Variants in SNRNP200 observed in about 807,000 individuals in gnomAD.
SNRNP200 encodes the protein small nuclear ribonucleoprotein U5 subunit 200, also known as U5 small nuclear ribonucleoprotein 200 kDa helicase.
In SNRNP200, 66 loss-of-function variants were observed where a neutral mutation model predicts 255.2. That is an observed-to-expected ratio of 0.26 (90% CI 0.21 to 0.32). The LOEUF is 0.32. SNRNP200 is among the 10% of genes least tolerant of loss of function. SNRNP200 has a pLI of 1.00. For missense variants in SNRNP200, 1,585 were observed against 2,749.8 expected (o/e 0.58, Z 9.47); for synonymous variants, 939 against 1,027.8 (o/e 0.91, Z 1.65).
intron 13 of SNRNP200, among the ~76,000 whole-genome samples, chr2:96,295,922 G>C (rs184595634): frequency 1.6e-3 from 240 of 152,278 alleles, no homozygotes; most frequent in African/African-American, 5.2e-3. Flanking sequence ...AACGCAGGCA[G>C]AATGCTTGAG....
Position 96,297,633 on chromosome 2 carries a change from C to G in SNRNP200, c.1203+4G>C. On this transcript the variant is annotated splice_donor_region_variant and intron_variant, in intron 10 of 44. Coordinates refer to ENST00000323853, the MANE Select transcript of SNRNP200 (RefSeq NM_014014.5). ...CCTGGGAAATAAATCGCCCTGGATC[C>G]TACCTCTCCACCCTGGTCGAGATCC... 1 of 1,614,250 alleles carries G rather than the reference C, an allele frequency of 6.2e-7. No homozygotes were observed. Among genetic ancestry groups the G allele is most frequent in the Non-Finnish European group, 8.5e-7 (1 of 1,180,036 alleles).
intron 30 of SNRNP200, 161 bp downstream of exon 30, chr2:96,285,019 G>A (rs2063835554): frequency 3.6e-6 from 3 of 832,108 alleles, no homozygotes; most frequent in Non-Finnish European, 6.0e-6. Flanking sequence ...CAAAGTGCTG[G>A]GATTACAGGC....
Position 96,293,068 on chromosome 2 carries a change from T to G in SNRNP200, c.2064A>C (p.Thr688=). ...CTTTTTTCTCTGTGATACCCACATA[T>G]GTCTGTTCCAGAGGCACTGGACGGA... ...NSFRPVPLEQ[T]YVGITEKKAI... Residue 688 remains threonine (T), a synonymous_variant, in exon 16 of 45, where the codon ACA becomes ACC. Transcript: ENST00000323853. 6.2e-7 allele frequency: 1 copy of G among 1,614,230 alleles called. No homozygotes were observed. Among genetic ancestry groups the G allele is most frequent in the East Asian group, 2.2e-5 (1 of 44,890 alleles).
At chr2:96,299,109 T>C (rs1347934269) in intron 6 of SNRNP200, 142 bp from the exon 7 acceptor site, 1 of 1,133,560 alleles carries the variant, frequency 8.8e-7, no homozygotes, top group South Asian at 1.3e-5. Flanking sequence ...CTCTGGAATA[T>C]TGAGTTCAGA....
chr2:96,296,392 G>C, intron 13 of SNRNP200, 144 bp downstream of exon 13: 1 of 820,800 alleles, frequency 1.2e-6, no homozygotes, highest in Non-Finnish European at 2.0e-6. Context: ...TCTTGGAAAT[G>C]GGGAGAGAAA....
chr2:96,277,502 G>A lies in SNRNP200; in HGVS notation c.5931+37C>T, dbSNP rs771228282. 1 of 1,610,888 alleles carries A rather than the reference G, an allele frequency of 6.2e-7. No individual in the cohort carries two copies. The highest frequency in any genetic ancestry group is 8.5e-7 in the Non-Finnish European group (1 of 1,178,986). ...TCGGTCCACAACACTGGGCTCTCAGGCTCACCCACCTGACCCTCTAGGCTG... is the reference window on the plus strand; with the variant it reads ...TCGGTCCACAACACTGGGCTCTCAGACTCACCCACCTGACCCTCTAGGCTG... On this transcript the variant is annotated intron_variant, in intron 41 of 44. Transcript: ENST00000323853. This position sits in a 1 kb window ranked among gnomAD's most constrained non-coding sequence, Gnocchi z 4.4.
At chr2:96,276,414 A>T (rs969034541) in intron 43 of SNRNP200, 1 of 204,596 alleles carries the variant, frequency 4.9e-6, no homozygotes, top group African/African-American at 2.3e-5. Flanking sequence ...ATGACCAGTC[A>T]TCTAAATTTT....
Position 96,283,940 on chromosome 2 carries a change from C to A in SNRNP200, c.4457G>T (p.Arg1486Leu). 1.2e-6 allele frequency: 2 copies of A among 1,600,090 alleles called. No homozygotes were observed. Among genetic ancestry groups the A allele is most frequent in the Non-Finnish European group, 1.7e-6 (2 of 1,173,444 alleles). ...GAGCGAAGAGCTGAGTGCCACAATG[C>A]GAATGGGCCGCTCAATCTGGGAGGA... Reference protein sequence around the residue: ...YISSQIERPIRIVALSSSLSN... With the variant: ...YISSQIERPILIVALSSSLSN... Residue 1486 changes from arginine (R) to leucine (L), a missense_variant, in exon 32 of 45, where the codon CGC becomes CTC. Physicochemically the swap from Arg to Leu is moderately radical, Grantham distance 102. This residue lies in a region of SNRNP200 where 719 missense variants were observed against 1,091.1 expected (regional missense o/e 0.66). Transcript: ENST00000323853. The surrounding 1 kb of genome is among the most constrained non-coding windows in gnomAD (Gnocchi z 4.7).
Position 96,279,533 on chromosome 2 carries a change from A to ACGT in SNRNP200, c.5048_5050dup (p.Asp1683dup). The stretch of plus-strand genomic sequence containing the variant: ...GTTGGCGTGGCCCACCATCTGAAGC[A>ACGT]CGTCATAGATGGGGTAATCCACATA... On this transcript the variant is annotated inframe_insertion, in exon 36 of 45. Transcript: ENST00000323853. 6.2e-7 allele frequency: 1 copy of ACGT among 1,613,556 alleles called. No homozygotes were observed. The highest frequency in any genetic ancestry group is 8.5e-7 in the Non-Finnish European group (1 of 1,179,494).
chr2:96,304,665 T>C (rs764163479), intron 2 of SNRNP200, 40 bp downstream of exon 2: 2 of 1,613,094 alleles, frequency 1.2e-6, no homozygotes, highest in African/African-American at 2.7e-5. Context: ...GGAAGAGACT[T>C]TGGATCTGAA....
At position 96,278,662 on chromosome 2, in the gene SNRNP200, C is replaced by G; in HGVS notation, c.5373G>C (p.Gln1791His). The G allele has an allele frequency of 6.2e-7, 1 of 1,614,234 alleles. No individual in the cohort carries two copies. Among genetic ancestry groups the G allele is most frequent in the Non-Finnish European group, 8.5e-7 (1 of 1,180,040 alleles). ...TGGACTGCTCCAGGTCACTCAGGGTCTGCTCCACCAGCTCTGACAAGTGGT... is the reference window on the plus strand; with the variant it reads ...TGGACTGCTCCAGGTCACTCAGGGTGTGCTCCACCAGCTCTGACAAGTGGT... ...LSDHLSELVE[Q>H]TLSDLEQSKC... The change falls in exon 38 of 45, where the codon CAG becomes CAC. Residue 1791 changes from glutamine (Q) to histidine (H), a missense_variant. This residue lies in a region of SNRNP200 where 279 missense variants were observed against 551.2 expected (regional missense o/e 0.51). Coordinates refer to ENST00000323853, the MANE Select transcript of SNRNP200 (RefSeq NM_014014.5). The surrounding 1 kb of genome is among the most constrained non-coding windows in gnomAD (Gnocchi z 6.9).
In SNRNP200 at chr2:96,277,365, A is replaced by G. The variant is rs1684685791; in HGVS notation, c.5932-124T>C. 7.7e-7 allele frequency: 1 copy of G among 1,301,058 alleles called. No homozygotes were observed. The highest frequency in any genetic ancestry group is 1.2e-5 in the South Asian group (1 of 83,356). The allele number at this position is 1,301,058 out of a possible 1,614,324, so 80.6% of individuals were successfully genotyped here. The stretch of plus-strand genomic sequence containing the variant: ...AGTCATCTAGATAAAACAGCTGCAG[A>G]AAGAACACAGCCCACAGTTGGCAGG... On this transcript the variant is annotated intron_variant, in intron 41 of 44. Transcript: ENST00000323853. The surrounding 1 kb of genome is among the most constrained non-coding windows in gnomAD (Gnocchi z 4.4).
chr2:96,275,750 C>G (rs1298927337), intron 43 of SNRNP200, among the ~76,000 whole-genome samples: 2 of 152,226 alleles, frequency 1.3e-5, no homozygotes, highest in Non-Finnish European at 2.9e-5. Flanking sequence ...CGCCTGTAAT[C>G]CCAGCACTTT....
At position 96,289,027 on chromosome 2, in the gene SNRNP200, A is replaced by G. The variant is rs751790787; in HGVS notation, c.3174+10T>C. 6.2e-7 allele frequency: 1 copy of G among 1,603,662 alleles called. No homozygotes were observed. Among genetic ancestry groups the G allele is most frequent in the South Asian group, 1.1e-5 (1 of 89,586 alleles). On this transcript the variant is annotated intron_variant, in intron 23 of 44. Coordinates refer to ENST00000323853, the MANE Select transcript of SNRNP200 (RefSeq NM_014014.5). ...TCATCCTTATCAAAGCAAAGAGGAG[A>G]GGAGCTCACCTTAGCACTGGGTTCC...
Position 96,305,532 on chromosome 2 carries a change from C to A in SNRNP200, c.-95G>T. ...CTGCTCCCGCCGCGCCGGAACGACG[C>A]AGGAAAGACGCACTGGGGAAGGAAA... On this transcript the variant is annotated 5_prime_UTR_variant, in exon 1 of 45. Transcript: ENST00000323853. 3 of 1,547,630 alleles carry A rather than the reference C, an allele frequency of 1.9e-6. No homozygotes were observed. Among genetic ancestry groups the A allele is most frequent in the Non-Finnish European group, 2.7e-6 (3 of 1,126,032 alleles).
rs1336747586 is a variant in SNRNP200, at chr2:96,283,755, C to T, written c.4585-42G>A. 4 of 1,614,056 alleles carry T rather than the reference C, an allele frequency of 2.5e-6. No homozygotes were observed. The highest frequency in any genetic ancestry group is 3.4e-6 in the Non-Finnish European group (4 of 1,180,018). The stretch of plus-strand genomic sequence containing the variant: ...AGAAAAGACACCAAGGTTATCAGAC[C>T]TGGGTCACTCAGGATCTATGTGACA... On this transcript the variant is annotated intron_variant, in intron 32 of 44. Coordinates refer to ENST00000323853, the MANE Select transcript of SNRNP200 (RefSeq NM_014014.5). This position sits in a 1 kb window ranked among gnomAD's most constrained non-coding sequence, Gnocchi z 4.7.
intron 6 of SNRNP200, 127 bp downstream of exon 6, chr2:96,299,202 A>G: frequency 1.0e-6 from 1 of 981,028 alleles, no homozygotes; most frequent in Non-Finnish European, 1.6e-6. Flanking sequence ...TCTAGACACT[A>G]AGTGTTTATT....
At position 96,290,110 on chromosome 2, in the gene SNRNP200, G is replaced by A. The variant is rs1376338363; in HGVS notation, c.2743-114C>T. The A allele has an allele frequency of 1.5e-5, 16 of 1,076,110 alleles. No homozygotes were observed. The highest frequency in any genetic ancestry group is 6.4e-5 in the South Asian group (5 of 78,216). The allele number at this position is 1,076,110 out of a possible 1,614,324, so 66.7% of individuals were successfully genotyped here. ...CAACTACAAGGATGCATATTACATC[G>A]TATTCTGAATGTTTTTAGCATTTCA... On this transcript the variant is annotated intron_variant, in intron 20 of 44. Coordinates refer to ENST00000323853, the MANE Select transcript of SNRNP200 (RefSeq NM_014014.5). The surrounding 1 kb of genome is among the most constrained non-coding windows in gnomAD (Gnocchi z 4.5).
In SNRNP200 at chr2:96,301,728, A is replaced by G; in HGVS notation, c.382-12T>C. On this transcript the variant is annotated splice_polypyrimidine_tract_variant and intron_variant, in intron 3 of 44. Transcript: ENST00000323853. ...AGGATATCACGTGGCTGGTGGCAAG[A>G]AACAACCAACCAATATTGAGAACGA... The G allele has an allele frequency of 1.2e-6, 2 of 1,614,126 alleles. No individual in the cohort carries two copies. Among genetic ancestry groups the G allele is most frequent in the Non-Finnish European group, 1.7e-6 (2 of 1,180,016 alleles).
Sources: allele counts gnomAD v4.1 joint callset (sites outside exome capture counted in the v4.1 genomes callset), GRCh38; gene constraint gnomAD v4.1.1; regional missense constraint gnomAD v4.1.1; non-coding constraint Gnocchi (gnomAD v3.1); transcripts MANE v1.5; gene names NCBI Gene and HGNC (gene_info 2026-07-23, HGNC 2026-07-21).